TENM3: variants seen among roughly 807,000 people sequenced by gnomAD.
TENM3 encodes teneurin transmembrane protein 3.
TENM3 carries 63 observed loss-of-function variants against 255.1 expected under a neutral mutation model. The observed-to-expected ratio is 0.25, with a 90% CI of 0.20 to 0.30. TENM3 has a LOEUF of 0.30. Ranked by LOEUF, TENM3 falls within the 10% of genes least tolerant of loss-of-function variation. The probability of loss-of-function intolerance (pLI) is 1.00; values close to 1 mark genes in which losing one functional copy is unlikely to be tolerated. For synonymous variants in TENM3, 1,306 were observed against 1,322.3 expected, an observed-to-expected ratio of 0.99 and a Z score of 0.27; for missense variants, 2,929 against 3,461.1, an observed-to-expected ratio of 0.85 and a Z score of 3.86.
chr4:182,539,291 T>C (rs1056248928), intron 3 of TENM3, among the ~76,000 whole-genome samples: 36 of 151,680 alleles, frequency 2.4e-4, no homozygotes, highest in African/African-American at 8.5e-4. Context: ...CCATCAAACA[T>C]CAAGAAAGAT....
chr4:181,871,621 T>C, the TENM3 span, among the ~76,000 whole-genome samples: 1 of 152,148 alleles, frequency 6.6e-6, no homozygotes, highest in Admixed American at 6.5e-5. Flanking sequence ...GAACAAAGTA[T>C]ATTTGCCTGG....
chr4:182,501,221 G>A (rs535513927), intron 3 of TENM3, among the ~76,000 whole-genome samples: 88 of 152,096 alleles, frequency 5.8e-4, no homozygotes, highest in Non-Finnish European at 1.0e-3. Flanking sequence ...GGCACCTTCT[G>A]TGTTCAGTAG....
the TENM3 span, among the ~76,000 whole-genome samples, chr4:181,801,697 T>TGC: frequency 7.6e-6 from 1 of 131,680 alleles, no homozygotes; most frequent in Non-Finnish European, 1.6e-5. Context: ...TATATATATA[T>TGC]GCAACAATGA....
the TENM3 span, among the ~76,000 whole-genome samples, chr4:181,614,762 T>G: frequency 6.6e-6 from 1 of 152,228 alleles, no homozygotes; most frequent in Non-Finnish European, 1.5e-5. Flanking sequence ...ATCTACCAGC[T>G]TTCTAGATGT....
At chr4:182,324,414 G>C (rs77253728) in intron 2 of TENM3, among the ~76,000 whole-genome samples, 162 bp downstream of exon 2, 1 of 152,362 alleles carries the variant, frequency 6.6e-6, no homozygotes, top group South Asian at 2.1e-4. Flanking sequence ...CCAGATGAGA[G>C]ATAGAAAGCC....
chr4:181,657,922 C>T, the TENM3 span, among the ~76,000 whole-genome samples: 9 of 152,040 alleles, frequency 5.9e-5, no homozygotes, highest in South Asian at 1.9e-3. Flanking sequence ...CACTTACAAG[C>T]GGGAGCTAAG....
In TENM3 at chr4:182,800,428, A is replaced by G. The variant is rs1561274946; in HGVS notation, c.*77A>G. ...GGCACAACCCGAGTGGGACTCTCCAACGCCCAAGAGCCTTCCTCCCGGGGG... is the reference window on the plus strand; with the variant it reads ...GGCACAACCCGAGTGGGACTCTCCAGCGCCCAAGAGCCTTCCTCCCGGGGG... On this transcript the variant is annotated 3_prime_UTR_variant, in exon 28 of 28. Transcript: ENST00000511685. 4 of 1,453,664 alleles carry G rather than the reference A, an allele frequency of 2.8e-6. No individual in the cohort carries two copies. The highest frequency in any genetic ancestry group is 2.7e-5 in the South Asian group (2 of 75,046). 90.0% of individuals were successfully genotyped at this position (1,453,664 alleles called of 1,614,324 possible). A position where few individuals can be genotyped will look rare whatever the true frequency, so the allele number is the denominator to read the frequency against.
the TENM3 span, among the ~76,000 whole-genome samples, chr4:181,516,846 T>G: frequency 6.6e-6 from 1 of 152,192 alleles, no homozygotes; most frequent in Non-Finnish European, 1.5e-5. Context: ...AACCATTGTA[T>G]GTGTATTGCT....
chr4:182,494,307 A>G (rs556999857), intron 3 of TENM3, among the ~76,000 whole-genome samples: 2 of 152,280 alleles, frequency 1.3e-5, no homozygotes, highest in East Asian at 1.9e-4. Context: ...TCAGTTACCC[A>G]TGGTAAACCA....
chr4:182,460,409 A>G (rs1423877454), intron 3 of TENM3, among the ~76,000 whole-genome samples: 1 of 152,134 alleles, frequency 6.6e-6, no homozygotes, highest in African/African-American at 2.4e-5. Context: ...CCGTCACAAA[A>G]ATAAACCTGC....
chr4:182,378,143 C>T (rs1190610512), intron 3 of TENM3, among the ~76,000 whole-genome samples: 6 of 152,162 alleles, frequency 3.9e-5, no homozygotes, highest in Non-Finnish European at 5.9e-5. Context: ...ATTTTGTTCT[C>T]GGCTTCTTAA....
chr4:181,513,223 G>T, the TENM3 span, among the ~76,000 whole-genome samples: 2 of 151,740 alleles, frequency 1.3e-5, no homozygotes, highest in Non-Finnish European at 2.9e-5. Flanking sequence ...TGTTTGGAGG[G>T]CTCTCATTGC....
At chr4:182,689,998 T>C (rs1579120780) in intron 12 of TENM3, among the ~76,000 whole-genome samples, 1 of 152,218 alleles carries the variant, frequency 6.6e-6, no homozygotes, top group African/African-American at 2.4e-5. Flanking sequence ...TTGGGGCTTC[T>C]CCAGGAGGTA....
the TENM3 span, among the ~76,000 whole-genome samples, chr4:181,983,805 C>T: frequency 1.3e-5 from 2 of 151,998 alleles, no homozygotes; most frequent in African/African-American, 4.8e-5. Flanking sequence ...AAAAGTAGAA[C>T]ACAGATGAAT....
the TENM3 span, among the ~76,000 whole-genome samples, chr4:181,711,786 T>C: frequency 6.6e-6 from 1 of 152,178 alleles, no homozygotes; most frequent in Non-Finnish European, 1.5e-5. Flanking sequence ...TCCTCTTGGC[T>C]GTGTAACCTT....
At chr4:182,791,941 T>A (rs934130976) in intron 25 of TENM3, among the ~76,000 whole-genome samples, 2 of 152,144 alleles carry the variant, frequency 1.3e-5, no homozygotes, top group Non-Finnish European at 2.9e-5. Context: ...CAAAATATTG[T>A]CTGTAAAGCA....
chr4:181,834,779 T>C, the TENM3 span: 1 of 152,284 alleles, frequency 6.6e-6, no homozygotes, highest in South Asian at 2.1e-4. Context: ...GGGGACAGAT[T>C]TGGGGGTTGG....
At chr4:181,634,662 C>G in the TENM3 span, among the ~76,000 whole-genome samples, 3 of 152,130 alleles carry the variant, frequency 2.0e-5, no homozygotes, top group Non-Finnish European at 4.4e-5. Flanking sequence ...CTAAAAGCCT[C>G]TGCTTATCTC....
At chr4:182,584,213 A>T (rs1025892725) in intron 3 of TENM3, among the ~76,000 whole-genome samples, 1 of 152,234 alleles carries the variant, frequency 6.6e-6, no homozygotes, top group Admixed American at 6.5e-5. Context: ...ACGACAAAGG[A>T]TGTAATTTCA....
Sources: allele counts gnomAD v4.1 joint callset (sites outside exome capture counted in the v4.1 genomes callset), GRCh38; gene constraint gnomAD v4.1.1; transcripts MANE v1.5; gene names NCBI Gene and HGNC (gene_info 2026-07-23, HGNC 2026-07-21).